The following OR9I1 variants were observed in gnomAD, a reference collection of about 807,000 sequenced individuals.
OR9I1 encodes olfactory receptor family 9 subfamily I member 1.
In OR9I1, 7 loss-of-function variants were observed where a neutral mutation model predicts 11.2. That is an observed-to-expected ratio of 0.62 (90% CI 0.36 to 1.17). The LOEUF (loss-of-function observed/expected upper bound fraction) is 1.17, where lower values mean the gene tolerates loss of function less well. OR9I1 is among the 50% of genes most tolerant of loss of function. The pLI is 0.02. For missense variants in OR9I1, 428 were observed against 377.2 expected (o/e 1.13, Z -1.12); for synonymous variants, 165 against 153.4 (o/e 1.08, Z -0.56).
At chr11:58,122,568 G>A (rs1854044859) in intron 2 of OR9I1, among the ~76,000 whole-genome samples, 1 of 152,188 alleles carries the variant, frequency 6.6e-6, no homozygotes, top group Admixed American at 6.5e-5. Context: ...ATAAAGCAAT[G>A]CAGGCACTAT....
intron 2 of OR9I1, among the ~76,000 whole-genome samples, chr11:58,122,532 C>T (rs1177665688): frequency 6.6e-6 from 1 of 152,134 alleles, no homozygotes; most frequent in Non-Finnish European, 1.5e-5. Flanking sequence ...GGTATTTAGG[C>T]TCTGTATCTA....
In OR9I1 at chr11:58,118,506, G is replaced by A. The variant is rs1243675841; in HGVS notation, c.939C>T (p.Ser313=). The A allele has an allele frequency of 6.3e-7, 1 of 1,590,666 alleles. No homozygotes were observed. The highest frequency in any genetic ancestry group is 8.6e-7 in the Non-Finnish European group (1 of 1,168,836). ...KVARRLQVSL[S]M ...GAATTCCTCTTACTTAGATCTACAT[G>A]CTCAGGGACACCTGGAGTCTCCTAG... is the stretch of plus-strand genomic sequence containing the variant. Residue 313 remains serine, a synonymous_variant, in exon 3 of 3, where the codon AGC becomes AGT. Coordinates refer to ENST00000641439, the MANE Select transcript of OR9I1 (RefSeq NM_001005211.2).
chr11:58,120,823 T>TAC lies in OR9I1; in HGVS notation c.-22-1358_-22-1357insGT, dbSNP rs1016002624. Among the ~76,000 whole-genome samples, 7 of 147,482 alleles carry TAC rather than the reference T, an allele frequency of 4.7e-5. 1 individual carries two copies. In the East Asian group the frequency reaches 1.2e-3, roughly 25 times the overall value. ...AATACCATATATATATATATATATATATATACATATATTCTTGTTTTTTGA... is the reference window on the plus strand; with the variant it reads ...AATACCATATATATATATATATATATACATATACATATATTCTTGTTTTTTGA... On this transcript the variant is annotated intron_variant, in intron 2 of 2. Coordinates refer to ENST00000641439, the MANE Select transcript of OR9I1 (RefSeq NM_001005211.2).
At chr11:58,124,660 A>G (rs1854070964) in intron 1 of OR9I1, 21 bp from the exon 2 acceptor site, 1 of 152,190 alleles carries the variant, frequency 6.6e-6, no homozygotes, top group Non-Finnish European at 1.5e-5. Flanking sequence ...ACATAATGAG[A>G]GAGAAATATT....
chr11:58,119,089 G>A lies in OR9I1; in HGVS notation c.356C>T (p.Ala119Val), dbSNP rs202026547. ...GTECFLLAVM[A>V]YDRYAAIRNP... ...GCGAATGGCAGCATAGCGATCATAGGCCATCACTGCCAGCAGAAAGCACTC... is the reference window on the plus strand; with the variant it reads ...GCGAATGGCAGCATAGCGATCATAGACCATCACTGCCAGCAGAAAGCACTC... Residue 119 changes from alanine to valine, a missense_variant, in exon 3 of 3, where the codon GCC becomes GTC. By Grantham distance (64) the Ala-to-Val change is moderately conservative. Transcript: ENST00000641439. The A allele has an allele frequency of 3.1e-6, 5 of 1,613,936 alleles. No homozygotes were observed. The highest frequency in any genetic ancestry group is 4.2e-6 in the Non-Finnish European group (5 of 1,179,938).
At position 58,125,324 on chromosome 11, in the gene OR9I1, A is replaced by G. The variant is rs1854080839; in HGVS notation, c.-275T>C. On this transcript the variant is annotated 5_prime_UTR_variant, in exon 1 of 3. Transcript: ENST00000641439. ...ATCCCAGTCTGGTCATGGTCCTATC[A>G]GATGACAACTTCTGATGACAAAGGC... 7.0e-6 allele frequency: 1 copy of G among 143,372 alleles called. No individual in the cohort carries two copies. The allele number at this position is 143,372 out of a possible 1,614,324, so 8.9% of individuals were successfully genotyped here.
chr11:58,118,998 A>T lies in OR9I1; in HGVS notation c.447T>A (p.Tyr149Ter). The change falls in exon 3 of 3, where the codon TAT becomes TAA. Residue 149 changes from tyrosine (Y) to a stop codon, truncating the protein, a stop_gained. Transcript: ENST00000641439. LOFTEE classifies it high-confidence loss of function. The part of the protein sequence containing the change: ...RLCWSLVVGA[Y>*]VCGVSGAILR... ...GGATGGCTCCTGACACCCCACAGAC[A>T]TAGGCTCCTACCACCAGGCTCCAGC... The T allele has an allele frequency of 6.2e-7, 1 of 1,613,928 alleles. No homozygotes were observed. Among genetic ancestry groups the T allele is most frequent in the Non-Finnish European group, 8.5e-7 (1 of 1,179,978 alleles).
intron 2 of OR9I1, among the ~76,000 whole-genome samples, chr11:58,121,828 C>T (rs1051199129): frequency 6.6e-6 from 1 of 152,084 alleles, no homozygotes; most frequent in Non-Finnish European, 1.5e-5. Context: ...CTCTTTCTAC[C>T]TTCTTTCATA....
rs780446920 is a variant in OR9I1, at chr11:58,119,054, G to A, written c.391C>T (p.Leu131Phe). 6.2e-7 allele frequency: 1 copy of A among 1,614,012 alleles called. No homozygotes were observed. Among genetic ancestry groups the A allele is most frequent in the Admixed American group, 1.7e-5 (1 of 60,022 alleles). ...CTGGGATTCATGGCCACGGTATAGA[G>A]CAGTGGGTTGCGAATGGCAGCATAG... ...DRYAAIRNPLLYTVAMNPRLC... is the reference protein window; with the variant it reads ...DRYAAIRNPLFYTVAMNPRLC... Residue 131 changes from leucine (L) to phenylalanine (F), a missense_variant, in exon 3 of 3, where the codon CTC becomes TTC. Transcript: ENST00000641439.
At chr11:58,122,616 G>T (rs1366979254) in intron 2 of OR9I1, among the ~76,000 whole-genome samples, 1 of 152,006 alleles carries the variant, frequency 6.6e-6, no homozygotes, top group Non-Finnish European at 1.5e-5. Context: ...TAATATTTTG[G>T]GGCCTTAGGT....
At position 58,117,555 on chromosome 11, in the gene OR9I1, T is replaced by C. The variant is rs1034682409; in HGVS notation, c.*945A>G. On this transcript the variant is annotated 3_prime_UTR_variant, in exon 3 of 3. Coordinates refer to ENST00000641439, the MANE Select transcript of OR9I1 (RefSeq NM_001005211.2). Reference sequence around the variant, plus strand: ...GAAAACATTCTGTTCTCAAGGGTTTTACAGTCTGGTACAGGAGTCATGATT... The same window carrying C: ...GAAAACATTCTGTTCTCAAGGGTTTCACAGTCTGGTACAGGAGTCATGATT... The C allele has an allele frequency of 7.2e-5, 11 of 152,240 alleles. No individual in the cohort carries two copies. Among genetic ancestry groups the C allele is most frequent in the African/African-American group, 2.7e-4 (11 of 41,454 alleles). 9.4% of individuals were successfully genotyped at this position (152,240 alleles called of 1,614,324 possible). A position where few individuals can be genotyped will look rare whatever the true frequency, so the allele number is the denominator to read the frequency against.
Position 58,118,997 on chromosome 11 carries a change from C to T in OR9I1, c.448G>A (p.Val150Ile). 4 of 1,613,934 alleles carry T rather than the reference C, an allele frequency of 2.5e-6. No individual in the cohort carries two copies. The highest frequency in any genetic ancestry group is 3.4e-6 in the Non-Finnish European group (4 of 1,179,984). Residue 150 changes from valine (V) to isoleucine (I), a missense_variant, in exon 3 of 3, where the codon GTC becomes ATC. Coordinates refer to ENST00000641439, the MANE Select transcript of OR9I1 (RefSeq NM_001005211.2). Reference sequence around the variant, plus strand: ...AGGATGGCTCCTGACACCCCACAGACATAGGCTCCTACCACCAGGCTCCAG... The same window carrying T: ...AGGATGGCTCCTGACACCCCACAGATATAGGCTCCTACCACCAGGCTCCAG... ...LCWSLVVGAY[V>I]CGVSGAILRT...
intron 2 of OR9I1, among the ~76,000 whole-genome samples, chr11:58,121,095 A>G (rs930126335): frequency 2.0e-5 from 3 of 152,188 alleles, no homozygotes. Flanking sequence ...TTGGATACAC[A>G]GAAAAGGAAA....
chr11:58,124,921 AAAG>A (rs1854073946), intron 1 of OR9I1, among the ~76,000 whole-genome samples: 1 of 152,148 alleles, frequency 6.6e-6, no homozygotes, highest in Non-Finnish European at 1.5e-5. Flanking sequence ...ATCCTACAAA[AAAG>A]GTATTATTTT....
chr11:58,122,035 C>T lies in OR9I1; in HGVS notation c.-23+2403G>A, dbSNP rs1241965985. 3.3e-5 allele frequency among the ~76,000 whole-genome samples: 5 copies of T among 152,220 alleles called. No homozygotes were observed. In the South Asian group the frequency reaches 1.0e-3, roughly 32 times the overall value. Reference sequence around the variant, plus strand: ...CCATGGGATCCCTTTTTTTACTTCTCTTTCACCTAAGGTCTAATTCCACTG... The same window carrying T: ...CCATGGGATCCCTTTTTTTACTTCTTTTTCACCTAAGGTCTAATTCCACTG... On this transcript the variant is annotated intron_variant, in intron 2 of 2. Transcript: ENST00000641439.
intron 2 of OR9I1, among the ~76,000 whole-genome samples, chr11:58,124,118 G>T (rs921977832): frequency 3.3e-5 from 5 of 152,224 alleles, no homozygotes; most frequent in Non-Finnish European, 7.4e-5. Context: ...GGAGCAGACT[G>T]GTGACACCCA....
chr11:58,123,300 C>A (rs766462044), intron 2 of OR9I1, among the ~76,000 whole-genome samples: 5 of 152,162 alleles, frequency 3.3e-5, no homozygotes, highest in Non-Finnish European at 7.3e-5. Flanking sequence ...TTAATCAGAG[C>A]TTTTTTACCT....
chr11:58,124,768 T>G (rs1590604142), intron 1 of OR9I1, 129 bp from the exon 2 acceptor site: 2 of 152,348 alleles, frequency 1.3e-5, no homozygotes, highest in South Asian at 4.1e-4. Flanking sequence ...CTAACCCTGG[T>G]TCTCTGACCC....
chr11:58,123,392 A>G (rs1433034825), intron 2 of OR9I1, among the ~76,000 whole-genome samples: 1 of 152,186 alleles, frequency 6.6e-6, no homozygotes, highest in Admixed American at 6.5e-5. Flanking sequence ...TATTACATCT[A>G]TCTCATGGCT....
Sources: allele counts gnomAD v4.1 joint callset (sites outside exome capture counted in the v4.1 genomes callset), GRCh38; gene constraint gnomAD v4.1.1; transcripts MANE v1.5; gene names NCBI Gene and HGNC (gene_info 2026-07-23, HGNC 2026-07-21).